Variants in AGBL4 observed in about 807,000 individuals in gnomAD.
AGBL4 encodes the protein cytosolic carboxypeptidase 6.
In AGBL4, 58 loss-of-function variants were observed where a neutral mutation model predicts 66.4. The observed-to-expected ratio is 0.87, with a 90% CI of 0.71 to 1.09. AGBL4 has a LOEUF of 1.09. AGBL4 is among the 50% of genes least tolerant of loss of function. The probability of loss-of-function intolerance (pLI) is 0.00; values close to 1 mark genes in which losing one functional copy is unlikely to be tolerated. For synonymous variants in AGBL4, 234 were observed against 222.9 expected (o/e 1.05, Z -0.44); for missense variants, 579 against 631.0 (o/e 0.92, Z 0.88).
intron 2 of AGBL4, among the ~76,000 whole-genome samples, chr1:49,762,669 C>T (rs1423686995): frequency 6.6e-6 from 1 of 152,226 alleles, no homozygotes. Context: ...GCCTTGGCCT[C>T]CCAAAGTGTT....
intron 3 of AGBL4, among the ~76,000 whole-genome samples, chr1:49,266,624 C>CACAA (rs1557784668): frequency 6.6e-6 from 1 of 151,604 alleles, no homozygotes; most frequent in East Asian, 1.9e-4. Flanking sequence ...CACACACACA[C>CACAA]ACACACGCGA....
At chr1:49,572,489 A>G (rs1419314669) in intron 3 of AGBL4, among the ~76,000 whole-genome samples, 2 of 152,132 alleles carry the variant, frequency 1.3e-5, no homozygotes, top group African/African-American at 4.8e-5. Context: ...CAATTTGTTT[A>G]TCTTTTCAAA....
At chr1:49,923,592 A>G (rs112985700) in intron 1 of AGBL4, among the ~76,000 whole-genome samples, 1 of 152,194 alleles carries the variant, frequency 6.6e-6, no homozygotes, top group Non-Finnish European at 1.5e-5. Flanking sequence ...TCAAGAATCT[A>G]TAAGGAACTT....
At chr1:49,855,705 A>T (rs1474879475) in intron 1 of AGBL4, among the ~76,000 whole-genome samples, 1 of 152,216 alleles carries the variant, frequency 6.6e-6, no homozygotes, top group Non-Finnish European at 1.5e-5. Flanking sequence ...TTATTGAAGC[A>T]AATGAAAAAG....
chr1:48,743,541 A>G (rs1303654797), intron 6 of AGBL4, among the ~76,000 whole-genome samples: 1 of 152,248 alleles, frequency 6.6e-6, no homozygotes, highest in African/African-American at 2.4e-5. Context: ...GACTTGATTA[A>G]CTTTTGTGGG....
chr1:49,586,984 T>G lies in AGBL4; in HGVS notation c.282+110329A>C, dbSNP rs544200469. 2.8e-4 allele frequency among the ~76,000 whole-genome samples: 42 copies of G among 152,228 alleles called. No individual in the cohort carries two copies. In the South Asian group the frequency reaches 4.2e-3, roughly 15 times the overall value. ...TGGTTTGTTCCATTCCTACTCACCT[T>G]TAAAGCCTTAGCTCAGAAATCATCT... On this transcript the variant is annotated intron_variant, in intron 3 of 13. Transcript: ENST00000371839.
At chr1:48,624,550 C>G (rs1238440808) in intron 9 of AGBL4, among the ~76,000 whole-genome samples, 1 of 152,198 alleles carries the variant, frequency 6.6e-6, no homozygotes, top group African/African-American at 2.4e-5. Context: ...CTGTGGGATG[C>G]CTGTAGGAAT....
intron 1 of AGBL4, among the ~76,000 whole-genome samples, chr1:49,866,567 C>A (rs181716252): frequency 1.1e-3 from 173 of 152,238 alleles, no homozygotes; most frequent in African/African-American, 3.9e-3. Flanking sequence ...AGTTCGAGAC[C>A]AGTCTGGTCA....
intron 5 of AGBL4, among the ~76,000 whole-genome samples, chr1:48,930,608 C>T (rs1654957876): frequency 6.6e-6 from 1 of 152,192 alleles, no homozygotes; most frequent in Non-Finnish European, 1.5e-5. Context: ...GGCAGATCCT[C>T]TTCCATTTCT....
Position 49,115,535 on chromosome 1 carries a change from C to T in AGBL4, c.378-69735G>A, listed in dbSNP as rs139067105. On this transcript the variant is annotated intron_variant, in intron 4 of 13. Transcript: ENST00000371839. ...ATTTATATCCCAAAGCTGTTATCTA[C>T]TCCAATTTGGTCAATAAATATATAC... is the stretch of plus-strand genomic sequence containing the variant. 2.7e-3 allele frequency among the ~76,000 whole-genome samples: 407 copies of T among 152,080 alleles called. 4 individuals carry two copies. The highest frequency in any genetic ancestry group is 9.5e-3 in the African/African-American group (395 of 41,504).
chr1:49,885,597 A>G (rs1316408367), intron 1 of AGBL4, among the ~76,000 whole-genome samples: 1 of 152,110 alleles, frequency 6.6e-6, no homozygotes, highest in East Asian at 1.9e-4. Context: ...GTTAAGCTAC[A>G]ATCAATTAGA....
At chr1:49,857,956 A>G (rs1646474857) in intron 1 of AGBL4, among the ~76,000 whole-genome samples, 1 of 152,126 alleles carries the variant, frequency 6.6e-6, no homozygotes, top group South Asian at 2.1e-4. Flanking sequence ...ATATTTGCAA[A>G]TTATTTACCC....
At chr1:49,064,236 C>A (rs567689688) in intron 4 of AGBL4, among the ~76,000 whole-genome samples, 81 of 152,076 alleles carry the variant, frequency 5.3e-4, no homozygotes, top group Non-Finnish European at 9.8e-4. Context: ...TTGGATGATC[C>A]ACATCTATTT....
chr1:49,254,242 T>A (rs759026684), intron 3 of AGBL4, among the ~76,000 whole-genome samples: 1 of 152,116 alleles, frequency 6.6e-6, no homozygotes, highest in Non-Finnish European at 1.5e-5. Flanking sequence ...TGTTTCTAGA[T>A]GGCACGATCC....
At chr1:49,482,637 C>T (rs2148728915) in intron 3 of AGBL4, among the ~76,000 whole-genome samples, 1 of 151,628 alleles carries the variant, frequency 6.6e-6, no homozygotes, top group East Asian at 1.9e-4. Context: ...TAGTTCAGTT[C>T]CGATTTTGGT....
chr1:49,639,932 G>A (rs1558124062), intron 3 of AGBL4, among the ~76,000 whole-genome samples: 1 of 152,136 alleles, frequency 6.6e-6, no homozygotes, highest in Non-Finnish European at 1.5e-5. Context: ...AGATATGGAA[G>A]TACTTACGTA....
chr1:48,613,230 G>T (rs956748670), intron 9 of AGBL4, among the ~76,000 whole-genome samples: 1 of 151,986 alleles, frequency 6.6e-6, no homozygotes, highest in Non-Finnish European at 1.5e-5. Flanking sequence ...AATGAGAGAG[G>T]TTAAATAACT....
chr1:49,542,953 C>T (rs997639123), intron 3 of AGBL4, among the ~76,000 whole-genome samples: 11 of 144,942 alleles, frequency 7.6e-5, no homozygotes, highest in Non-Finnish European at 1.2e-4. Flanking sequence ...CTAGGATTTT[C>T]CAATCCTGAA....
chr1:49,500,001 A>G (rs1448914725), intron 3 of AGBL4, among the ~76,000 whole-genome samples: 1 of 152,050 alleles, frequency 6.6e-6, no homozygotes, highest in Non-Finnish European at 1.5e-5. Context: ...GCAATGTAAA[A>G]GTGTTCCCTT....
Sources: allele counts gnomAD v4.1 joint callset (sites outside exome capture counted in the v4.1 genomes callset), GRCh38; gene constraint gnomAD v4.1.1; transcripts MANE v1.5; gene names NCBI Gene and HGNC (gene_info 2026-07-23, HGNC 2026-07-21).